The following FAM228B variants were observed in gnomAD, a reference collection of about 807,000 sequenced individuals.
FAM228B encodes the protein protein FAM228B.
A neutral mutation model predicts 42.6 loss-of-function variants in FAM228B; 38 were observed. The observed-to-expected ratio is 0.89, with a 90% CI of 0.69 to 1.17. FAM228B has a LOEUF of 1.17. Ranked by LOEUF, FAM228B falls within the 50% of genes most tolerant of loss-of-function variation. The probability of loss-of-function intolerance (pLI) is 0.00; values close to 1 mark genes in which losing one functional copy is unlikely to be tolerated. For missense variants in FAM228B, 344 were observed against 367.3 expected (o/e 0.94, Z 0.52); for synonymous variants, 109 against 122.3 (o/e 0.89, Z 0.72).
chr2:24,113,083 C>CTCATTTACAACTTGACAG, intron 3 of FAM228B, among the ~76,000 whole-genome samples: 1 of 152,234 alleles, frequency 6.6e-6, no homozygotes, highest in South Asian at 2.1e-4. Context: ...AACTTGCCTT[C>CTCATTTACAACTTGACAG]CCCACTAAAT....
chr2:24,115,522 C>T, intron 3 of FAM228B: 3 of 1,461,738 alleles, frequency 2.1e-6, no homozygotes, highest in African/African-American at 2.8e-5. Flanking sequence ...AATATTTTTT[C>T]TTTAGGCTCT....
At chr2:24,121,511 T>C (rs1012995338), upstream of FAM228B, among the ~76,000 whole-genome samples, 3 of 152,232 alleles carry the variant, frequency 2.0e-5, no homozygotes, top group Admixed American at 1.3e-4. Context: ...TATAAAATTT[T>C]ATTGGAACAC....
In FAM228B at chr2:24,167,683, G is replaced by GGT; in HGVS notation, c.*14+1_*14+2dup. The stretch of plus-strand genomic sequence containing the variant: ...CTGGAGCTATAAGAAAGAAGAGGGA[G>GGT]GTAGATGTCTTCTCTCTTTCCCTTC... On this transcript the variant is annotated splice_region_variant and 3_prime_UTR_variant. Coordinates refer to ENST00000615575, the MANE Select transcript of FAM228B (RefSeq NM_001145710.2). The GGT allele has an allele frequency of 6.4e-7, 1 of 1,551,442 alleles. No individual in the cohort carries two copies. Among genetic ancestry groups the GGT allele is most frequent in the Non-Finnish European group, 8.7e-7 (1 of 1,146,788 alleles).
At chr2:24,127,087 T>C (rs1666331156) in intron 2 of FAM228B, among the ~76,000 whole-genome samples, 1 of 152,138 alleles carries the variant, frequency 6.6e-6, no homozygotes, top group Admixed American at 6.6e-5. Flanking sequence ...ACTTCACACC[T>C]TTTAGCAGTC....
In FAM228B at chr2:24,084,361, CA is replaced by C; in HGVS notation, c.-210+3407del. On this transcript the variant is annotated intron_variant, in intron 2 of 10. Coordinates refer to the FAM228B transcript ENST00000613899. This position sits in a 1 kb window ranked among gnomAD's most constrained non-coding sequence, Gnocchi z 8.4. ...GGACACAGGGCAGGGCAGGGCAGGACAGGACAGGGCAGGGCAGGGCAGGACA... is the reference window on the plus strand; with the variant it reads ...GGACACAGGGCAGGGCAGGGCAGGACGGACAGGGCAGGGCAGGGCAGGACA... The C allele has an allele frequency of 7.4e-7, 1 of 1,345,730 alleles. No homozygotes were observed. Among genetic ancestry groups the C allele is most frequent in the Non-Finnish European group, 1.0e-6 (1 of 989,536 alleles). The allele number at this position is 1,345,730 out of a possible 1,614,324, so 83.4% of individuals were successfully genotyped here.
intron 7 of FAM228B, among the ~76,000 whole-genome samples, chr2:24,149,093 G>A (rs1004595380): frequency 5.9e-5 from 9 of 152,174 alleles, no homozygotes; most frequent in African/African-American, 2.2e-4. Context: ...ACTCCATTGC[G>A]TGTAAGTGCA....
Position 24,155,654 on chromosome 2 carries a change from C to G in FAM228B, c.687-5852C>G, listed in dbSNP as rs6755037. ...CTCCCCAGTTCAAGCAATTCTCCTG[C>G]CTCAGCCTCCCGAGCAGCTGGGATT... On this transcript the variant is annotated intron_variant, in intron 7 of 10. Transcript: ENST00000615575. 7.0e-3 allele frequency among the ~76,000 whole-genome samples: 1,046 copies of G among 149,412 alleles called. 8 individuals carry two copies. The highest frequency in any genetic ancestry group is 0.025 in the African/African-American group (1,007 of 40,346).
chr2:24,150,358 T>A (rs1285081929), intron 7 of FAM228B, among the ~76,000 whole-genome samples: 1 of 152,032 alleles, frequency 6.6e-6, no homozygotes, highest in Non-Finnish European at 1.5e-5. Context: ...TGAAGGATAT[T>A]TTTTTTTCTG....
At chr2:24,112,455 G>A (rs909680368) in intron 3 of FAM228B, among the ~76,000 whole-genome samples, 1 of 151,922 alleles carries the variant, frequency 6.6e-6, no homozygotes, top group Non-Finnish European at 1.5e-5. Context: ...CACCTGCTAT[G>A]ACGCCCAGCT....
chr2:24,138,555 G>A (rs923311963), intron 4 of FAM228B, among the ~76,000 whole-genome samples: 2 of 151,708 alleles, frequency 1.3e-5, no homozygotes, highest in Non-Finnish European at 2.9e-5. Flanking sequence ...GGCTGGTCTC[G>A]AACTCCCTAT....
chr2:24,157,293 T>G (rs1382098877), intron 7 of FAM228B, among the ~76,000 whole-genome samples: 1 of 152,198 alleles, frequency 6.6e-6, no homozygotes, highest in Non-Finnish European at 1.5e-5. Context: ...ATAGAATGAG[T>G]TATACACTTC....
At chr2:24,099,157 C>CA (rs201840750) in intron 3 of FAM228B, among the ~76,000 whole-genome samples, 42,668 of 151,806 alleles carry the variant, frequency 0.28, 6,422 homozygotes, top group South Asian at 0.39. Flanking sequence ...CTATTTATGA[C>CA]AACCCCCAGC....
At chr2:24,138,195 C>T in intron 4 of FAM228B, 95 bp downstream of exon 4, 10 of 923,512 alleles carry the variant, frequency 1.1e-5, no homozygotes, top group Non-Finnish European at 1.6e-5. Flanking sequence ...TCCCTGTCCC[C>T]TCTACATATG....
intron 2 of FAM228B, among the ~76,000 whole-genome samples, chr2:24,086,523 C>G (rs1020334718): frequency 1.3e-5 from 2 of 151,780 alleles, no homozygotes; most frequent in African/African-American, 4.8e-5. Flanking sequence ...TTCCCCACCC[C>G]CTCTTTCTCT....
In FAM228B at chr2:24,077,153, C is replaced by G. The variant is rs4149373; in HGVS notation, c.-290+184C>G. Among the ~76,000 whole-genome samples the G allele has an allele frequency of 6.6e-6, 1 of 151,454 alleles. No individual in the cohort carries two copies. Among genetic ancestry groups the G allele is most frequent in the Non-Finnish European group, 1.5e-5 (1 of 67,836 alleles). On this transcript the variant is annotated intron_variant, in intron 1 of 10. Transcript: ENST00000613899. The surrounding 1 kb of genome is among the most constrained non-coding windows in gnomAD (Gnocchi z 5.5). ...GGTGGGGTGGGGCCCAGGTGAGTAG[C>G]GGGCAGGGCTGGGGCCTGCTGTGGT...
intron 3 of FAM228B, among the ~76,000 whole-genome samples, chr2:24,136,519 C>T (rs538397021): frequency 3.3e-5 from 5 of 152,280 alleles, no homozygotes; most frequent in Non-Finnish European, 5.9e-5. Flanking sequence ...ATTGCCACTA[C>T]GCCTGGCCAA....
intron 3 of FAM228B, among the ~76,000 whole-genome samples, chr2:24,098,914 C>T (rs1194486284): frequency 6.6e-6 from 1 of 152,198 alleles, no homozygotes; most frequent in Admixed American, 6.5e-5. Context: ...TCCAGCAGCA[C>T]ATCAAAAAGC....
chr2:24,166,989 G>A (rs1308187736), intron 9 of FAM228B, among the ~76,000 whole-genome samples: 1 of 152,164 alleles, frequency 6.6e-6, no homozygotes, highest in Non-Finnish European at 1.5e-5. Flanking sequence ...AGAGGCAGGA[G>A]CCAGGCAGGT....
At chr2:24,167,491 T>C (rs1667450856) in intron 9 of FAM228B, 136 bp from the exon 10 acceptor site, 1 of 1,059,082 alleles carries the variant, frequency 9.4e-7, no homozygotes, top group Non-Finnish European at 1.4e-6. Context: ...AAACCTGTTC[T>C]GTTGGGGTTG....
Sources: allele counts gnomAD v4.1 joint callset (sites outside exome capture counted in the v4.1 genomes callset), GRCh38; gene constraint gnomAD v4.1.1; non-coding constraint Gnocchi (gnomAD v3.1); transcripts MANE v1.5; gene names NCBI Gene and HGNC (gene_info 2026-07-23, HGNC 2026-07-21).